The following STAM variants were observed in gnomAD, a reference collection of about 807,000 sequenced individuals.
The protein encoded by STAM is signal transducing adaptor molecule.
A neutral mutation model predicts 63.4 loss-of-function variants in STAM; 16 were observed. The observed-to-expected ratio is 0.25, with a 90% CI of 0.17 to 0.38. The LOEUF (loss-of-function observed/expected upper bound fraction) is 0.38. STAM is among the 10% of genes least tolerant of loss of function. STAM has a pLI of 1.00. For synonymous variants in STAM, 238 were observed against 223.9 expected (o/e 1.06, Z -0.56); for missense variants, 636 against 657.1 (o/e 0.97, Z 0.35).
chr10:17,714,916 A>G lies in STAM; in HGVS notation c.*136A>G, dbSNP rs1836744260. The G allele has an allele frequency of 2.3e-6, 2 of 854,642 alleles. No individual in the cohort carries two copies. Among genetic ancestry groups the G allele is most frequent in the African/African-American group, 3.4e-5 (2 of 59,290 alleles). 52.9% of individuals were successfully genotyped at this position (854,642 alleles called of 1,614,324 possible). ...GGTCAACAGGTTCAAATATTCAAGA[A>G]GGTAGAACTCTCCTCAATTTACACT... On this transcript the variant is annotated 3_prime_UTR_variant, in exon 14 of 14. Transcript: ENST00000377524.
chr10:17,711,850 G>A (rs898232439), intron 13 of STAM, among the ~76,000 whole-genome samples: 1 of 152,222 alleles, frequency 6.6e-6, no homozygotes, highest in Non-Finnish European at 1.5e-5. Context: ...GCTTTAAATG[G>A]CAGTAGCGTA....
chr10:17,681,632 A>G (rs1835089942), intron 2 of STAM, among the ~76,000 whole-genome samples: 2 of 152,156 alleles, frequency 1.3e-5, no homozygotes, highest in African/African-American at 4.8e-5. Flanking sequence ...TGATGATTTA[A>G]TATTTTGAGG....
chr10:17,672,942 CT>C lies in STAM; in HGVS notation c.126-11732del, dbSNP rs1176266979. ...CTTTCCCTGTTCTTTGTCCCTGCCC[CT>C]GACCCCTATCTTTTTCTTTTCCCAT... On this transcript the variant is annotated intron_variant, in intron 2 of 13. Transcript: ENST00000377524. The C allele has an allele frequency of 3.7e-5, 28 of 760,246 alleles. No individual in the cohort carries two copies. The East Asian group carries it at 9.0e-4, about 24-fold the overall frequency. 47.1% of individuals were successfully genotyped at this position (760,246 alleles called of 1,614,324 possible). A position where few individuals can be genotyped will look rare whatever the true frequency, so the allele number is the denominator to read the frequency against.
chr10:17,653,203 A>G (rs189725192), intron 1 of STAM, among the ~76,000 whole-genome samples: 36 of 152,290 alleles, frequency 2.4e-4, no homozygotes, highest in Admixed American at 8.5e-4. Flanking sequence ...AATCATACCT[A>G]TATAATGACA....
intron 2 of STAM, among the ~76,000 whole-genome samples, chr10:17,663,430 T>C (rs1834254623): frequency 6.6e-6 from 1 of 152,158 alleles, no homozygotes; most frequent in African/African-American, 2.4e-5. Flanking sequence ...GGGATTTTAA[T>C]TGACATTATA....
intron 9 of STAM, among the ~76,000 whole-genome samples, chr10:17,702,155 C>T (rs1316455797): frequency 1.3e-5 from 2 of 152,076 alleles, no homozygotes; most frequent in Admixed American, 1.3e-4. Context: ...CTTTTCAAAA[C>T]TTGAAATATA....
At chr10:17,674,617 C>T (rs1461540483) in intron 2 of STAM, among the ~76,000 whole-genome samples, 2 of 152,170 alleles carry the variant, frequency 1.3e-5, no homozygotes, top group South Asian at 2.1e-4. Flanking sequence ...ATGTACTCCA[C>T]ATGGCTTCTT....
intron 2 of STAM, among the ~76,000 whole-genome samples, chr10:17,679,620 C>A (rs1036189975): frequency 1.3e-5 from 2 of 151,030 alleles, no homozygotes; most frequent in African/African-American, 4.9e-5. Flanking sequence ...AATTTTTAAA[C>A]ATTTGGTAGA....
At chr10:17,667,798 T>C (rs931503768) in intron 2 of STAM, among the ~76,000 whole-genome samples, 2 of 152,220 alleles carry the variant, frequency 1.3e-5, no homozygotes, top group South Asian at 2.1e-4. Context: ...AAGCACTGCA[T>C]CCCAGAAAGA....
rs544465901 is a variant in STAM, at chr10:17,694,015, A to G, written c.535+703A>G. ...TTTAAAATGATGTCCTGTTATTTTA[A>G]TTTTTATTTTTTTGATTGCTAGTGA... On this transcript the variant is annotated intron_variant, in intron 6 of 13. Coordinates refer to ENST00000377524, the MANE Select transcript of STAM (RefSeq NM_003473.4). Among the ~76,000 whole-genome samples the G allele has an allele frequency of 1.4e-3, 206 of 152,174 alleles. 4 individuals carry two copies. The highest frequency in any genetic ancestry group is 0.013 in the Admixed American group (206 of 15,276).
chr10:17,653,275 C>T (rs559626921), intron 1 of STAM, among the ~76,000 whole-genome samples: 7 of 152,216 alleles, frequency 4.6e-5, no homozygotes, highest in Admixed American at 6.5e-5. Context: ...ACTGAAAAAC[C>T]GAATATTCCG....
chr10:17,679,944 T>A (rs905197629), intron 2 of STAM, among the ~76,000 whole-genome samples: 5 of 152,096 alleles, frequency 3.3e-5, no homozygotes, highest in African/African-American at 1.2e-4. Flanking sequence ...CTCTTTGTTT[T>A]TTGATTCTAA....
At chr10:17,647,270 G>T (rs781888849) in intron 1 of STAM, among the ~76,000 whole-genome samples, 2 of 152,180 alleles carry the variant, frequency 1.3e-5, no homozygotes, top group African/African-American at 4.8e-5. Context: ...GTATTTCAAA[G>T]TCTCTAGTGA....
At chr10:17,710,397 A>C (rs190437382) in intron 13 of STAM, among the ~76,000 whole-genome samples, 22 of 152,336 alleles carry the variant, frequency 1.4e-4, no homozygotes, top group African/African-American at 4.6e-4. Context: ...CATAGGCCCA[A>C]CCCTACCCAT....
At chr10:17,651,361 A>G (rs540108256) in intron 1 of STAM, among the ~76,000 whole-genome samples, 3 of 152,342 alleles carry the variant, frequency 2.0e-5, no homozygotes, top group Non-Finnish European at 2.9e-5. Flanking sequence ...GCATGTAGTA[A>G]CCAATGGATA....
At chr10:17,710,728 A>G (rs1481622750) in intron 13 of STAM, among the ~76,000 whole-genome samples, 4 of 152,152 alleles carry the variant, frequency 2.6e-5, no homozygotes, top group African/African-American at 9.7e-5. Flanking sequence ...TAGCCATCCT[A>G]TGTAGCACAC....
chr10:17,713,324 G>A lies in STAM; in HGVS notation c.1386-1219G>A, dbSNP rs541680488. ...TGATTCTGAATGCCGTGGATCTGCC[G>A]AGGATTCCCAGATGCGTATTTCTCC... On this transcript the variant is annotated intron_variant, in intron 13 of 13. Transcript: ENST00000377524. Among the ~76,000 whole-genome samples, 4 of 152,124 alleles carry A rather than the reference G, an allele frequency of 2.6e-5. No homozygotes were observed. The East Asian group carries it at 5.8e-4, about 22-fold the overall frequency.
chr10:17,663,383 C>T (rs1249483495), intron 2 of STAM, among the ~76,000 whole-genome samples: 1 of 151,942 alleles, frequency 6.6e-6, no homozygotes, highest in African/African-American at 2.4e-5. Context: ...TACATACTTT[C>T]TCTCAGTATA....
chr10:17,692,629 A>G (rs776648226), intron 5 of STAM, among the ~76,000 whole-genome samples: 26 of 152,202 alleles, frequency 1.7e-4, no homozygotes, highest in Non-Finnish European at 3.5e-4. Context: ...GAATTGAATT[A>G]TATGTTTGTT....
Sources: gnomAD v4.1 joint callset for allele counts (sites outside exome capture counted in the v4.1 genomes callset) on GRCh38, gnomAD v4.1.1 for gene constraint, MANE v1.5 for transcripts, NCBI Gene and HGNC (gene_info 2026-07-23, HGNC 2026-07-21) for gene names.